Variants in AP3B1 observed in about 807,000 individuals in gnomAD.
AP3B1 encodes the protein adaptor related protein complex 3 subunit beta 1.
Under a neutral mutation model 132.5 loss-of-function variants are expected in AP3B1, and 61 were observed. The ratio of observed to expected loss-of-function variants is 0.46; its 90% CI spans 0.37 to 0.57. The LOEUF (loss-of-function observed/expected upper bound fraction) is 0.57, where lower values mean the gene tolerates loss of function less well. Ranked by LOEUF, AP3B1 falls within the 20% of genes least tolerant of loss-of-function variation. The pLI is 0.00. For missense variants in AP3B1, 1,120 were observed against 1,289.4 expected (o/e 0.87, Z 2.01); for synonymous variants, 388 against 438.3 (o/e 0.89, Z 1.43).
At chr5:78,213,526 T>C (rs947260755) in intron 7 of AP3B1, among the ~76,000 whole-genome samples, 8 of 152,320 alleles carry the variant, frequency 5.3e-5, no homozygotes, top group South Asian at 4.2e-4. Context: ...TGAACATATG[T>C]ACGTATGTAG....
intron 7 of AP3B1, among the ~76,000 whole-genome samples, chr5:78,211,150 C>T (rs1013570077): frequency 1.3e-5 from 2 of 152,012 alleles, no homozygotes; most frequent in Non-Finnish European, 2.9e-5. Context: ...ATAAATACGC[C>T]GTTATTTTCT....
At chr5:78,150,323 G>A (rs111810986) in intron 14 of AP3B1, among the ~76,000 whole-genome samples, 2,333 of 152,212 alleles carry the variant, frequency 0.015, 71 homozygotes, top group African/African-American at 0.053. Context: ...ATTTCAAAAA[G>A]GACGAAGTAG....
chr5:78,048,374 T>C (rs1748433290), intron 22 of AP3B1, among the ~76,000 whole-genome samples: 1 of 152,194 alleles, frequency 6.6e-6, no homozygotes, highest in African/African-American at 2.4e-5. Context: ...TGTATGAGAC[T>C]GTCAGCCCAA....
At chr5:78,067,578 T>G (rs1258777820) in intron 22 of AP3B1, among the ~76,000 whole-genome samples, 1 of 152,174 alleles carries the variant, frequency 6.6e-6, no homozygotes, top group Non-Finnish European at 1.5e-5. Context: ...TCTCAGACTA[T>G]AGCGCAATCA....
intron 7 of AP3B1, among the ~76,000 whole-genome samples, chr5:78,189,653 T>C (rs1311448616): frequency 6.6e-6 from 1 of 152,034 alleles, no homozygotes; most frequent in East Asian, 1.9e-4. Context: ...GCGGATCACC[T>C]GAGGTCACGA....
At chr5:78,144,754 G>A (rs1753310717) in intron 14 of AP3B1, among the ~76,000 whole-genome samples, 1 of 152,178 alleles carries the variant, frequency 6.6e-6, no homozygotes, top group Non-Finnish European at 1.5e-5. Flanking sequence ...CAGTTGTTAA[G>A]ATATGAAATC....
At chr5:78,078,758 G>A (rs143276331) in intron 22 of AP3B1, among the ~76,000 whole-genome samples, 26 of 152,284 alleles carry the variant, frequency 1.7e-4, no homozygotes, top group Non-Finnish European at 3.7e-4. Context: ...CTTAGGAAGG[G>A]ACTATGTTTT....
At chr5:78,246,918 G>C (rs1171368273) in intron 2 of AP3B1, among the ~76,000 whole-genome samples, 2 of 152,022 alleles carry the variant, frequency 1.3e-5, no homozygotes, top group Non-Finnish European at 2.9e-5. Flanking sequence ...TCAGAGCACT[G>C]ATTGGAAATA....
chr5:78,251,257 C>CA (rs377052671), intron 2 of AP3B1, among the ~76,000 whole-genome samples: 1 of 152,114 alleles, frequency 6.6e-6, no homozygotes, highest in Admixed American at 6.5e-5. Flanking sequence ...AAAGCAATCT[C>CA]AGAGGCAGAG....
intron 3 of AP3B1, among the ~76,000 whole-genome samples, chr5:78,236,683 T>C (rs1026683561): frequency 6.6e-6 from 1 of 152,204 alleles, no homozygotes. Context: ...CTAATAACCT[T>C]GGTCAGACAG....
chr5:78,099,656 G>A (rs1464983070), intron 21 of AP3B1, among the ~76,000 whole-genome samples: 1 of 152,172 alleles, frequency 6.6e-6, no homozygotes, highest in African/African-American at 2.4e-5. Context: ...CAGCACGTTG[G>A]GAAGCCGAGG....
At chr5:78,078,788 T>C (rs1368085047) in intron 22 of AP3B1, among the ~76,000 whole-genome samples, 2 of 152,252 alleles carry the variant, frequency 1.3e-5, no homozygotes, top group Non-Finnish European at 2.9e-5. Flanking sequence ...TTATCTGTAA[T>C]TCCTAGCATA....
At chr5:78,213,126 G>A (rs575216246) in intron 7 of AP3B1, among the ~76,000 whole-genome samples, 79 of 152,104 alleles carry the variant, frequency 5.2e-4, no homozygotes, top group Middle Eastern at 3.4e-3. Flanking sequence ...TGATAAGCCC[G>A]CCTCAGCCTC....
At chr5:78,189,688 G>A (rs1744747277) in intron 7 of AP3B1, among the ~76,000 whole-genome samples, 1 of 151,730 alleles carries the variant, frequency 6.6e-6, no homozygotes, top group African/African-American at 2.4e-5. Flanking sequence ...TGCCCAACAT[G>A]GTGAAACCCC....
At chr5:78,167,409 C>A (rs1177982065) in intron 11 of AP3B1, among the ~76,000 whole-genome samples, 1 of 152,042 alleles carries the variant, frequency 6.6e-6, no homozygotes, top group Non-Finnish European at 1.5e-5. Context: ...ACTAGTACAA[C>A]CACTAAAGAA....
At chr5:78,183,908 G>T (rs1442491150) in intron 7 of AP3B1, among the ~76,000 whole-genome samples, 1 of 144,040 alleles carries the variant, frequency 6.9e-6, no homozygotes, top group South Asian at 2.2e-4. Context: ...AGTGGCTCAC[G>T]CCTGTAATCC....
chr5:78,159,097 C>A (rs771196017), intron 13 of AP3B1, among the ~76,000 whole-genome samples: 3 of 152,092 alleles, frequency 2.0e-5, no homozygotes, highest in Non-Finnish European at 4.4e-5. Context: ...TACACTCTAG[C>A]AGAAAAATAA....
At chr5:78,178,312 G>C (rs931975278) in intron 8 of AP3B1, among the ~76,000 whole-genome samples, 29 of 152,192 alleles carry the variant, frequency 1.9e-4, no homozygotes, top group Non-Finnish European at 3.1e-4. Flanking sequence ...ATGGCTTCTG[G>C]TTCAAAGCCA....
intron 7 of AP3B1, among the ~76,000 whole-genome samples, chr5:78,212,477 C>T (rs1745782421): frequency 6.6e-6 from 1 of 152,040 alleles, no homozygotes. Flanking sequence ...TTTAGTGACA[C>T]TTTTTCCTAC....
Sources: allele counts gnomAD v4.1 joint callset (sites outside exome capture counted in the v4.1 genomes callset), GRCh38; gene constraint gnomAD v4.1.1; transcripts MANE v1.5; gene names NCBI Gene and HGNC (gene_info 2026-07-23, HGNC 2026-07-21).